Variants in MTREX observed in about 807,000 individuals in gnomAD.
MTREX encodes the protein Mtr4 exosome RNA helicase, also known as exosome RNA helicase MTR4.
A neutral mutation model predicts 135.4 loss-of-function variants in MTREX; 76 were observed. That is an observed-to-expected ratio of 0.56 (90% CI 0.47 to 0.68). The LOEUF is 0.68. Ranked by LOEUF, MTREX falls within the 30% of genes least tolerant of loss-of-function variation. The probability of loss-of-function intolerance (pLI) is 0.00; values close to 1 mark genes in which losing one functional copy is unlikely to be tolerated. For synonymous variants in MTREX, 404 were observed against 401.6 expected (o/e 1.01, Z -0.07); for missense variants, 920 against 1,262.1 (o/e 0.73, Z 4.11).
intron 21 of MTREX, among the ~76,000 whole-genome samples, chr5:55,400,690 C>G (rs1750711177): frequency 6.6e-6 from 1 of 152,118 alleles, no homozygotes; most frequent in Admixed American, 6.5e-5. Context: ...ATAGCATTCA[C>G]CCTTTTAAAA....
chr5:55,316,782 A>G (rs1024141947), intron 1 of MTREX, among the ~76,000 whole-genome samples: 3 of 152,208 alleles, frequency 2.0e-5, no homozygotes, highest in Admixed American at 1.3e-4. Flanking sequence ...AGTCCTAGCC[A>G]GAGCAGTTAG....
chr5:55,316,140 A>G (rs985522857), intron 1 of MTREX, among the ~76,000 whole-genome samples: 3 of 152,192 alleles, frequency 2.0e-5, no homozygotes, highest in Non-Finnish European at 2.9e-5. Flanking sequence ...TAAATCAGTA[A>G]TAAATAGCCT....
At chr5:55,416,889 G>A (rs778400981) in intron 25 of MTREX, among the ~76,000 whole-genome samples, 3 of 152,074 alleles carry the variant, frequency 2.0e-5, no homozygotes, top group Non-Finnish European at 4.4e-5. Context: ...TATAGGTTTA[G>A]TTTGAGAAAA....
chr5:55,395,384 C>T (rs1202359492), intron 19 of MTREX, among the ~76,000 whole-genome samples: 3 of 151,760 alleles, frequency 2.0e-5, no homozygotes, highest in Admixed American at 6.6e-5. Context: ...CCAGCCTGGG[C>T]GACAGAGCAA....
At chr5:55,356,656 A>G (rs1359747019) in intron 14 of MTREX, 1 of 155,266 alleles carries the variant, frequency 6.4e-6, no homozygotes, top group Non-Finnish European at 1.4e-5. Context: ...TCTCTGAGGC[A>G]TGATTGTTGT....
chr5:55,357,772 C>T (rs1349476616), intron 14 of MTREX, among the ~76,000 whole-genome samples: 1 of 152,144 alleles, frequency 6.6e-6, no homozygotes, highest in African/African-American at 2.4e-5. Context: ...TACACATGCA[C>T]TTACAGAAAA....
At chr5:55,344,739 T>C (rs970021121) in intron 9 of MTREX, 119 bp downstream of exon 9, 2 of 625,820 alleles carry the variant, frequency 3.2e-6, no homozygotes, top group South Asian at 2.5e-5. Flanking sequence ...TTGTTTGTCT[T>C]AGTTTTAATC....
intron 5 of MTREX, among the ~76,000 whole-genome samples, chr5:55,330,343 T>C (rs1749454883): frequency 6.6e-6 from 1 of 152,098 alleles, no homozygotes; most frequent in Non-Finnish European, 1.5e-5. Flanking sequence ...CCCAAAGTGC[T>C]GGGCTTATAG....
chr5:55,353,254 G>A lies in MTREX; in HGVS notation c.1518G>A (p.Gly506=). Residue 506 remains glycine (G), a synonymous_variant, in exon 14 of 27, where the codon GGG becomes GGA. Coordinates refer to ENST00000230640, the MANE Select transcript of MTREX (RefSeq NM_015360.5). ...VLFTNARKFD[G]KDFRWISSGE... is the part of the protein sequence containing the mutation. ...TTACAAATGCCCGCAAATTTGATGG[G>A]AAGGATTTCCGATGGGTAAGTAAAG... 1 of 1,607,956 alleles carries A rather than the reference G, an allele frequency of 6.2e-7. No individual in the cohort carries two copies. The highest frequency in any genetic ancestry group is 1.3e-5 in the African/African-American group (1 of 74,696).
At chr5:55,386,933 T>A (rs1750489860) in intron 18 of MTREX, among the ~76,000 whole-genome samples, 1 of 152,128 alleles carries the variant, frequency 6.6e-6, no homozygotes, top group Admixed American at 6.5e-5. Context: ...TGATAGTTGA[T>A]CATAGCTATT....
intron 22 of MTREX, among the ~76,000 whole-genome samples, chr5:55,409,170 T>C (rs901669965): frequency 2.6e-5 from 4 of 152,028 alleles, no homozygotes; most frequent in Non-Finnish European, 4.4e-5. Context: ...TAGGCTAGTC[T>C]TGAACTCCTG....
At chr5:55,345,275 T>C (rs986124852) in intron 10 of MTREX, 79 bp downstream of exon 10, 1 of 940,996 alleles carries the variant, frequency 1.1e-6, no homozygotes, top group Non-Finnish European at 1.7e-6. Context: ...TTGTCTTAGT[T>C]TTTTTTTCTC....
intron 3 of MTREX, chr5:55,327,469 G>T: frequency 5.0e-6 from 2 of 396,956 alleles, no homozygotes; most frequent in South Asian, 3.8e-5. Context: ...TCCTCAGGGA[G>T]ATAAACATCA....
intron 22 of MTREX, among the ~76,000 whole-genome samples, chr5:55,406,994 C>T (rs539743250): frequency 6.6e-6 from 1 of 152,292 alleles, no homozygotes; most frequent in Admixed American, 6.5e-5. Flanking sequence ...GTAGCTCAAG[C>T]AATATCCAGT....
intron 21 of MTREX, 153 bp from the exon 22 acceptor site, chr5:55,405,272 A>G (rs924092409): frequency 1.8e-6 from 1 of 551,192 alleles, no homozygotes; most frequent in African/African-American, 1.9e-5. Context: ...AAGAAGCTCC[A>G]GTTTCCCCAG....
chr5:55,352,103 T>G (rs1485689081), intron 13 of MTREX, among the ~76,000 whole-genome samples: 1 of 152,102 alleles, frequency 6.6e-6, no homozygotes, highest in African/African-American at 2.4e-5. Context: ...CAGGCTGGTC[T>G]TGAACTCCTG....
chr5:55,308,231 G>C, intron 1 of MTREX, 84 bp downstream of exon 1: 1 of 1,459,886 alleles, frequency 6.8e-7, no homozygotes. Flanking sequence ...AAGAGCACGA[G>C]AAAGTGAAGT....
At chr5:55,379,091 T>C (rs775406640) in intron 17 of MTREX, 36 bp from the exon 18 acceptor site, 3 of 1,482,462 alleles carry the variant, frequency 2.0e-6, no homozygotes, top group Non-Finnish European at 2.8e-6. Flanking sequence ...TAGATATACA[T>C]TTGATTCTTG....
intron 5 of MTREX, among the ~76,000 whole-genome samples, chr5:55,335,111 A>G (rs911769127): frequency 5.3e-5 from 8 of 151,982 alleles, no homozygotes; most frequent in African/African-American, 1.7e-4. Flanking sequence ...TTTCATGTTT[A>G]TCATTTCTTT....
Sources: gnomAD v4.1 joint callset for allele counts (sites outside exome capture counted in the v4.1 genomes callset) on GRCh38, gnomAD v4.1.1 for gene constraint, MANE v1.5 for transcripts, NCBI Gene and HGNC (gene_info 2026-07-23, HGNC 2026-07-21) for gene names.